IPO4: variants seen among roughly 807,000 people sequenced by gnomAD.
The protein encoded by IPO4 is importin 4.
IPO4 carries 91 observed loss-of-function variants against 133.5 expected under a neutral mutation model. The observed-to-expected ratio is 0.68, with a 90% CI of 0.58 to 0.81. The LOEUF is 0.81. IPO4 is among the 30% of genes least tolerant of loss of function. IPO4 has a pLI of 0.00. For missense variants in IPO4, 1,279 were observed against 1,386.2 expected (o/e 0.92, Z 1.23); for synonymous variants, 607 against 581.6 (o/e 1.04, Z -0.63).
chr14:24,180,900 T>G (rs370894245), intron 28 of IPO4, 142 bp from the exon 29 acceptor site: 1 of 638,932 alleles, frequency 1.6e-6, no homozygotes. Flanking sequence ...AAGACAACTA[T>G]GAACATGAGA....
intron 8 of IPO4, 41 bp downstream of exon 8, chr14:24,186,837 A>G (rs2138818538): frequency 6.2e-7 from 1 of 1,612,012 alleles, no homozygotes; most frequent in Non-Finnish European, 8.5e-7. Flanking sequence ...GGAGAGTCCC[A>G]GCAGAGCATG....
chr14:24,184,591 C>T, intron 16 of IPO4, 59 bp downstream of exon 16: 1 of 1,438,342 alleles, frequency 7.0e-7, no homozygotes, highest in South Asian at 1.3e-5. Flanking sequence ...CTGTCAACAC[C>T]AGGTGAGCAC....
chr14:24,188,648 A>G lies in IPO4; in HGVS notation c.70-10T>C, dbSNP rs1271569726. ...GGAGCTGTTCCGTGGCCTGGGGGGA[A>G]GCTAGGGGTGAGAGTTGGGCCTTTC... On this transcript the variant is annotated splice_polypyrimidine_tract_variant and intron_variant, in intron 1 of 29. Transcript: ENST00000354464. The G allele has an allele frequency of 5.6e-6, 9 of 1,608,656 alleles. No individual in the cohort carries two copies. The highest frequency in any genetic ancestry group is 7.6e-6 in the Non-Finnish European group (9 of 1,177,510).
chr14:24,186,232 C>A (rs1594442459), intron 10 of IPO4, 50 bp from the exon 11 acceptor site: 1 of 1,608,774 alleles, frequency 6.2e-7, no homozygotes, highest in Non-Finnish European at 8.5e-7. Context: ...CTCTGCCTCC[C>A]CAACGTCCCA....
At position 24,187,488 on chromosome 14, in the gene IPO4, G is replaced by T; in HGVS notation, c.500C>A (p.Thr167Asn). ...CCCAGGAGAGCCCACCTCACCAAGA[G>T]TCTCATTCAGAAGCCGAAGAAGCTC... Reference protein sequence around the residue: ...HRELLRLLNETLGEVGSPGLL... With the variant: ...HRELLRLLNENLGEVGSPGLL... The change falls in exon 6 of 30, where the codon ACT becomes AAT. Residue 167 changes from threonine to asparagine, a missense_variant. Thr to Asn is a moderately conservative substitution (Grantham distance 65, BLOSUM62 0). Transcript: ENST00000354464. 1.9e-6 allele frequency: 3 copies of T among 1,614,184 alleles called. No individual in the cohort carries two copies. The highest frequency in any genetic ancestry group is 2.5e-6 in the Non-Finnish European group (3 of 1,180,016).
rs748819712 is a variant in IPO4, at chr14:24,183,033, C to T, written c.2364G>A (p.Lys788=). ...VLRSCGTLTL[K]PPGRLAELCG... is the part of the protein sequence containing the mutation. ...AGAGCTCAGCGAGGCGCCCAGGGGG[C>T]TTCAGTGTGAGGGTCCCACAGCTGC... The change falls in exon 23 of 30, where the codon AAG becomes AAA. Residue 788 remains lysine, a synonymous_variant. Coordinates refer to ENST00000354464, the MANE Select transcript of IPO4 (RefSeq NM_024658.4). The T allele has an allele frequency of 1.1e-5, 18 of 1,613,846 alleles. No homozygotes were observed. The highest frequency in any genetic ancestry group is 1.5e-5 in the Non-Finnish European group (18 of 1,180,006).
Position 24,184,310 on chromosome 14 carries a change from A to G in IPO4, c.1745T>C (p.Leu582Ser). The G allele has an allele frequency of 6.3e-7, 1 of 1,585,072 alleles. No homozygotes were observed. Among genetic ancestry groups the G allele is most frequent in the Non-Finnish European group, 8.6e-7 (1 of 1,165,740 alleles). Residue 582 changes from leucine (L) to serine (S), a missense_variant, in exon 17 of 30, where the codon TTG (leucine) becomes TCG (serine). Leu to Ser is a moderately radical substitution (Grantham distance 145). This residue lies in a region of IPO4 where 575 missense variants were observed against 653.4 expected (regional missense o/e 0.88). Coordinates refer to ENST00000354464, the MANE Select transcript of IPO4 (RefSeq NM_024658.4). ...AGGGGTCACTCACGTGCAGCGCCGCAAGTCAGGGTCGTCTACCTGGTCGCA... is the reference window on the plus strand; with the variant it reads ...AGGGGTCACTCACGTGCAGCGCCGCGAGTCAGGGTCGTCTACCTGGTCGCA... Reference protein sequence around the residue: ...GLCDQVDDPDLRRCTYSLFAA... With the variant: ...GLCDQVDDPDSRRCTYSLFAA...
chr14:24,188,475 GA>G, intron 2 of IPO4, 52 bp from the exon 3 acceptor site: 1 of 1,607,896 alleles, frequency 6.2e-7, no homozygotes. Flanking sequence ...GTGCTGAGCG[GA>G]CCGCAGTGGG....
chr14:24,187,134 A>C lies in IPO4; in HGVS notation c.605T>G (p.Leu202Trp), dbSNP rs1160009967. 2.5e-6 allele frequency: 4 copies of C among 1,613,774 alleles called. No homozygotes were observed. The highest frequency in any genetic ancestry group is 2.5e-6 in the Non-Finnish European group (3 of 1,179,820). The part of the protein sequence containing the change: ...STEDVPLARM[L>W]VPKLIMAMQT... Reference sequence around the variant, plus strand: ...CATGGCCATGATCAGCTTGGGCACCAACATCCGAGCGAGAGGCTGAGGGAC... The same window carrying C: ...CATGGCCATGATCAGCTTGGGCACCCACATCCGAGCGAGAGGCTGAGGGAC... Residue 202 changes from leucine to tryptophan, a missense_variant, in exon 7 of 30, where the codon TTG becomes TGG. Physicochemically the swap from Leu to Trp is moderately conservative, Grantham distance 61. Transcript: ENST00000354464.
rs753816156 is a variant in IPO4 at position 24,183,058 on chromosome 14, C to T, written c.2339G>A (p.Arg780His). Residue 780 changes from arginine to histidine, a missense_variant, in exon 23 of 30, where the codon CGC (arginine) becomes CAC (histidine). Arg to His is a conservative substitution (Grantham distance 29). Coordinates refer to ENST00000354464, the MANE Select transcript of IPO4 (RefSeq NM_024658.4). ...AVLEALTGVL[R>H]SCGTLTLKPP... Reference sequence around the variant, plus strand: ...CTTCAGTGTGAGGGTCCCACAGCTGCGGAGCACCCCTGTCAGGGCCTCCAG... The same window carrying T: ...CTTCAGTGTGAGGGTCCCACAGCTGTGGAGCACCCCTGTCAGGGCCTCCAG... The T allele has an allele frequency of 2.5e-6, 4 of 1,613,838 alleles. No individual in the cohort carries two copies. Among genetic ancestry groups the T allele is most frequent in the African/African-American group, 1.3e-5 (1 of 75,044 alleles).
chr14:24,182,486 A>G, intron 24 of IPO4, 83 bp from the exon 25 acceptor site: 2 of 1,541,336 alleles, frequency 1.3e-6, no homozygotes, highest in South Asian at 2.4e-5. Context: ...CACCAGCTGC[A>G]GGGGTCCCTG....
intron 24 of IPO4, 124 bp downstream of exon 24, chr14:24,182,668 G>A: frequency 8.8e-7 from 1 of 1,132,730 alleles, no homozygotes; most frequent in Non-Finnish European, 1.3e-6. Flanking sequence ...GTATCCCTCT[G>A]GCCATTACCA....
chr14:24,185,806 A>G, intron 12 of IPO4, 55 bp downstream of exon 12: 1 of 1,331,066 alleles, frequency 7.5e-7, no homozygotes, highest in Non-Finnish European at 1.1e-6. Context: ...GTAAACCAGG[A>G]CAGCCATGGT....
rs1031946314 is a variant in IPO4, at chr14:24,187,286, G to A, written c.588+114C>T. 3.4e-6 allele frequency: 5 copies of A among 1,468,352 alleles called. No individual in the cohort carries two copies. The African/African-American group carries it at 5.6e-5, about 16-fold the overall frequency. 91.0% of individuals were successfully genotyped at this position (1,468,352 alleles called of 1,614,324 possible). ...CCACCTACAGCATCCCCTCTCAATT[G>A]TCAGGAAGGGCCACAGGCAGGTAAA... On this transcript the variant is annotated intron_variant, in intron 6 of 29. Transcript: ENST00000354464.
chr14:24,186,247 C>T, intron 10 of IPO4, 40 bp downstream of exon 10: 1 of 1,604,874 alleles, frequency 6.2e-7, no homozygotes, highest in Non-Finnish European at 8.5e-7. Context: ...GTCCCACAGC[C>T]ACCTAACACC....
At chr14:24,187,850 C>T (rs777759576) in intron 4 of IPO4, 54 bp from the exon 5 acceptor site, 31 of 1,605,598 alleles carry the variant, frequency 1.9e-5, no homozygotes, top group Non-Finnish European at 2.0e-5. Context: ...CCTCTGCACA[C>T]AGTGGCCAGG....
Position 24,183,599 on chromosome 14 carries a change from A to C in IPO4, c.2054T>G (p.Val685Gly). ...DTCAAVGEIS[V>G]NTSVAFLPYM... ...AAGGGCGAATGCTCACCTGGTGTTC[A>C]CAGAGATCTCCCCCACGGCAGCACA... is the stretch of plus-strand genomic sequence containing the variant. Residue 685 changes from valine (V) to glycine (G), a missense_variant, in exon 20 of 30, where the codon GTG becomes GGG. By Grantham distance (109) the Val-to-Gly change is moderately radical (BLOSUM62 -3). Transcript: ENST00000354464. 4 of 1,614,162 alleles carry C rather than the reference A, an allele frequency of 2.5e-6. No individual in the cohort carries two copies. Among genetic ancestry groups the C allele is most frequent in the Non-Finnish European group, 3.4e-6 (4 of 1,180,022 alleles).
In IPO4 at chr14:24,187,449, G is replaced by A; in HGVS notation, c.539C>T (p.Ser180Phe). Reference sequence around the variant, plus strand: ...AGCCATGGTGGTCAGAGTGCGCAGGGAGTAGAAGAGCAGCCCAGGAGAGCC... The same window carrying A: ...AGCCATGGTGGTCAGAGTGCGCAGGAAGTAGAAGAGCAGCCCAGGAGAGCC... The part of the protein sequence containing the change: ...EVGSPGLLFY[S>F]LRTLTTMAPY... Residue 180 changes from serine (S) to phenylalanine (F), a missense_variant, in exon 6 of 30, where the codon TCC becomes TTC. Around this residue, in one of 3 missense-constraint regions of IPO4, gnomAD observed 695 missense variants for 704.1 expected, o/e 0.99. Transcript: ENST00000354464. The A allele has an allele frequency of 6.2e-7, 1 of 1,614,156 alleles. No homozygotes were observed.
In IPO4 at chr14:24,180,277, T is replaced by C. The variant is rs1412684425; in HGVS notation, c.*165A>G. On this transcript the variant is annotated 3_prime_UTR_variant, in exon 30 of 30. Transcript: ENST00000354464. ...ACAGTATGATGTCATGACTCATTTG[T>C]AACAGATCCAGCCTCAGGGACAGCC... 1 of 1,532,162 alleles carries C rather than the reference T, an allele frequency of 6.5e-7. No homozygotes were observed. Among genetic ancestry groups the C allele is most frequent in the Non-Finnish European group, 8.8e-7 (1 of 1,135,048 alleles). The allele number at this position is 1,532,162 out of a possible 1,614,324, so 94.9% of individuals were successfully genotyped here.
Sources: gnomAD v4.1 joint callset for allele counts on GRCh38, gnomAD v4.1.1 for gene constraint, gnomAD v4.1.1 regional missense constraint, MANE v1.5 for transcripts, NCBI Gene and HGNC (gene_info 2026-07-23, HGNC 2026-07-21) for gene names.